The following DNM3 variants were observed in gnomAD, a reference collection of about 807,000 sequenced individuals.
DNM3 encodes the protein dynamin-3.
DNM3 carries 47 observed loss-of-function variants against 101.6 expected under a neutral mutation model. That is an observed-to-expected ratio of 0.46 (90% CI 0.37 to 0.59). The LOEUF is 0.59. Ranked by LOEUF, DNM3 falls within the 20% of genes least tolerant of loss-of-function variation. The probability of loss-of-function intolerance (pLI) is 0.00; values close to 1 mark genes in which losing one functional copy is unlikely to be tolerated. For missense variants in DNM3, 849 were observed against 1,085.7 expected (o/e 0.78, Z 3.06); for synonymous variants, 385 against 387.9 (o/e 0.99, Z 0.09).
chr1:172,081,271 T>C (rs568000968), intron 11 of DNM3, among the ~76,000 whole-genome samples: 1 of 152,260 alleles, frequency 6.6e-6, no homozygotes, highest in African/African-American at 2.4e-5. Flanking sequence ...TTCTGATTGA[T>C]GTTTGGATTC....
At chr1:172,291,592 A>G (rs549007482) in intron 15 of DNM3, among the ~76,000 whole-genome samples, 1 of 152,300 alleles carries the variant, frequency 6.6e-6, no homozygotes, top group East Asian at 1.9e-4. Context: ...TCCATTAAGT[A>G]TGAGTGAAGG....
intron 15 of DNM3, among the ~76,000 whole-genome samples, chr1:172,258,404 C>G (rs1239387602): frequency 1.3e-5 from 2 of 151,946 alleles, no homozygotes; most frequent in Non-Finnish European, 2.9e-5. Flanking sequence ...GTTCCCTTTT[C>G]TCCACATCCT....
chr1:172,290,058 T>A (rs2063844061), intron 15 of DNM3: 1 of 901,670 alleles, frequency 1.1e-6, no homozygotes. Flanking sequence ...GTCAATAATC[T>A]TTGAAGAACT....
At chr1:172,081,558 C>T (rs2053151467) in intron 11 of DNM3, among the ~76,000 whole-genome samples, 1 of 152,084 alleles carries the variant, frequency 6.6e-6, no homozygotes, top group South Asian at 2.1e-4. Context: ...ATTCTAGATT[C>T]TGTATTAAGG....
At chr1:171,949,014 A>G (rs1354614922) in intron 2 of DNM3, among the ~76,000 whole-genome samples, 1 of 152,186 alleles carries the variant, frequency 6.6e-6, no homozygotes, top group African/African-American at 2.4e-5. Flanking sequence ...AGAGAAAAGC[A>G]TAAAGTTACT....
chr1:172,303,655 A>T (rs1189966578), intron 15 of DNM3, among the ~76,000 whole-genome samples: 1 of 152,264 alleles, frequency 6.6e-6, no homozygotes, highest in African/African-American at 2.4e-5. Context: ...CACAAAGGGA[A>T]GCACATCAGA....
intron 2 of DNM3, among the ~76,000 whole-genome samples, chr1:171,972,522 G>C (rs1277934757): frequency 6.6e-6 from 1 of 152,194 alleles, no homozygotes; most frequent in Non-Finnish European, 1.5e-5. Flanking sequence ...TTGAGTGTTT[G>C]CTGTGCAGAA....
chr1:171,969,134 C>T (rs1182945479), intron 2 of DNM3, among the ~76,000 whole-genome samples: 2 of 152,118 alleles, frequency 1.3e-5, no homozygotes, highest in Non-Finnish European at 2.9e-5. Context: ...GAGGTGATCC[C>T]TTTGCTCCTC....
intron 15 of DNM3, among the ~76,000 whole-genome samples, chr1:172,267,536 T>C (rs1310804551): frequency 6.6e-6 from 1 of 152,114 alleles, no homozygotes; most frequent in Non-Finnish European, 1.5e-5. Flanking sequence ...TAAATAGAAT[T>C]CTATGACATT....
intron 10 of DNM3, among the ~76,000 whole-genome samples, chr1:172,058,871 C>A (rs1397261051): frequency 6.6e-6 from 1 of 150,908 alleles, no homozygotes; most frequent in Admixed American, 6.6e-5. Context: ...GAAATAGAGA[C>A]AAAAAAAACC....
Position 172,350,484 on chromosome 1 carries a change from A to C in DNM3, c.1893+27144A>C, listed in dbSNP as rs147658088. Reference sequence around the variant, plus strand: ...GTGATATTCAGCCTTTTCAAAGATTACTTAACTGTCGTGGTATCACTACAG... The same window carrying C: ...GTGATATTCAGCCTTTTCAAAGATTCCTTAACTGTCGTGGTATCACTACAG... On this transcript the variant is annotated intron_variant, in intron 17 of 20. Coordinates refer to ENST00000627582, the MANE Select transcript of DNM3 (RefSeq NM_015569.5). Among the ~76,000 whole-genome samples, 266 of 152,284 alleles carry C rather than the reference A, an allele frequency of 1.7e-3. 1 individual carries two copies. Among genetic ancestry groups the C allele is most frequent in the African/African-American group, 6.0e-3 (249 of 41,570 alleles).
intron 14 of DNM3, among the ~76,000 whole-genome samples, chr1:172,226,997 C>A (rs1333943246): frequency 6.6e-6 from 1 of 151,462 alleles, no homozygotes; most frequent in Non-Finnish European, 1.5e-5. Flanking sequence ...TTTTAATGCA[C>A]CCATCTCCCA....
chr1:172,020,721 C>CAAAAAAAAAAA (rs3051630), intron 4 of DNM3, among the ~76,000 whole-genome samples: 12 of 66,328 alleles, frequency 1.8e-4, no homozygotes, highest in African/African-American at 3.2e-4. Context: ...GAGACTCCGT[C>CAAAAAAAAAAA]AAAAAAAAAA....
At chr1:172,076,937 T>C (rs1436753620) in intron 11 of DNM3, among the ~76,000 whole-genome samples, 9 of 152,222 alleles carry the variant, frequency 5.9e-5, no homozygotes, top group Admixed American at 5.9e-4. Context: ...TGTGAATCCA[T>C]CTGGTCCTGG....
chr1:172,152,645 A>G (rs1011165903), intron 14 of DNM3, among the ~76,000 whole-genome samples: 86 of 152,210 alleles, frequency 5.7e-4, no homozygotes, highest in African/African-American at 2.0e-3. Context: ...TTCCCATACT[A>G]TATCATTTTC....
At chr1:172,130,317 G>T (rs985223285) in intron 13 of DNM3, among the ~76,000 whole-genome samples, 1 of 152,008 alleles carries the variant, frequency 6.6e-6, no homozygotes, top group African/African-American at 2.4e-5. Context: ...AAATTATCTT[G>T]TATAGAGGAC....
chr1:172,101,770 GT>G (rs1424263430), intron 13 of DNM3, among the ~76,000 whole-genome samples: 1 of 152,126 alleles, frequency 6.6e-6, no homozygotes, highest in Non-Finnish European at 1.5e-5. Flanking sequence ...TTTAACCACA[GT>G]TCTAATAGTT....
intron 18 of DNM3, among the ~76,000 whole-genome samples, chr1:172,381,449 T>A (rs942915987): frequency 1.3e-5 from 2 of 151,526 alleles, no homozygotes; most frequent in African/African-American, 4.8e-5. Context: ...TGGGTATTAT[T>A]TTATGTGCTT....
At chr1:172,098,565 C>T (rs562713029) in intron 13 of DNM3, among the ~76,000 whole-genome samples, 12 of 151,872 alleles carry the variant, frequency 7.9e-5, no homozygotes, top group East Asian at 1.9e-4. Flanking sequence ...ACGAAGATGA[C>T]GGGATTAAGA....
Sources: gnomAD v4.1 joint callset for allele counts (sites outside exome capture counted in the v4.1 genomes callset) on GRCh38, gnomAD v4.1.1 for gene constraint, MANE v1.5 for transcripts, NCBI Gene and HGNC (gene_info 2026-07-23, HGNC 2026-07-21) for gene names.